C4orf50: variants seen among roughly 807,000 people sequenced by gnomAD.
C4orf50 encodes the protein uncharacterized protein C4orf50.
A neutral mutation model predicts 77.2 loss-of-function variants in C4orf50; 80 were observed. The observed-to-expected ratio is 1.04, with a 90% CI of 0.87 to 1.25. The LOEUF (loss-of-function observed/expected upper bound fraction) is 1.25, where lower values mean the gene tolerates loss of function less well. Among genes scored for constraint, C4orf50 ranks in the 50% most tolerant of loss-of-function variants. The probability of loss-of-function intolerance (pLI) is 0.00; values close to 1 mark genes in which losing one functional copy is unlikely to be tolerated. For missense variants in C4orf50, 1,257 were observed against 1,152.9 expected (o/e 1.09, Z -1.31); for synonymous variants, 532 against 465.3 (o/e 1.14, Z -1.84).
intron 7 of C4orf50, among the ~76,000 whole-genome samples, chr4:5,951,702 G>C (rs932237724): frequency 1.3e-5 from 2 of 152,142 alleles, no homozygotes; most frequent in African/African-American, 4.8e-5. Flanking sequence ...AAGCTGAAGA[G>C]AGTCTGAAGT....
chr4:5,984,129 A>G (rs187877464), intron 28 of C4orf50, among the ~76,000 whole-genome samples: 6 of 152,362 alleles, frequency 3.9e-5, no homozygotes, highest in Admixed American at 3.9e-4. Context: ...AAGCCCTACT[A>G]GGTCTGAGGG....
At position 5,958,305 on chromosome 4, in the gene C4orf50, G is replaced by T. The variant is rs544675128; in HGVS notation, c.*1070C>A. On this transcript the variant is annotated 3_prime_UTR_variant, in exon 34 of 34. Coordinates refer to ENST00000531445, the Ensembl canonical transcript of C4orf50. The surrounding 1 kb of genome is among the most constrained non-coding windows in gnomAD (Gnocchi z 5.4). ...TCTCTGTTCTCGGTGGAAGGAAGGG[G>T]TGCTGGATGGGAACGATGCAGTGAC... 2.0e-5 allele frequency: 3 copies of T among 151,488 alleles called. No homozygotes were observed. The highest frequency in any genetic ancestry group is 4.2e-4 in the South Asian group (2 of 4,728). 9.4% of individuals were successfully genotyped at this position (151,488 alleles called of 1,614,324 possible).
intron 28 of C4orf50, among the ~76,000 whole-genome samples, chr4:5,981,668 T>C (rs975832819): frequency 6.6e-6 from 1 of 152,106 alleles, no homozygotes; most frequent in African/African-American, 2.4e-5. Flanking sequence ...CCTCCCAAAG[T>C]GCTGAGGTTA....
In C4orf50 at chr4:5,990,195, AG is replaced by A; in HGVS notation, c.1850del (p.Pro617LeufsTer8). 8.0e-7 allele frequency: 1 copy of A among 1,245,902 alleles called. No individual in the cohort carries two copies. Among genetic ancestry groups the A allele is most frequent in the East Asian group, 3.1e-5 (1 of 32,660 alleles). The allele number at this position is 1,245,902 out of a possible 1,614,324, so 77.2% of individuals were successfully genotyped here. A position where few individuals can be genotyped will look rare whatever the true frequency, so the allele number is the denominator to read the frequency against. On this transcript the variant is annotated frameshift_variant, in exon 28 of 34. Coordinates refer to ENST00000531445, the Ensembl canonical transcript of C4orf50. LOFTEE classifies it high-confidence loss of function. ...GCATCAAAAACTCCTGCCAGGACCC[AG>A]GGCGGCAGGTGGCGGCCTTAGTCTC...
rs771453362 is a variant in C4orf50, at chr4:6,011,819, G to T, written c.426+11C>A. ...AGGAAACAGGGCCTGGAAAGGAGAA[G>T]GAAACGGTACCTGGCTGGCCAGCTC... is the stretch of plus-strand genomic sequence containing the variant. On this transcript the variant is annotated intron_variant, in intron 24 of 33. Transcript: ENST00000531445. The surrounding 1 kb of genome is among the most constrained non-coding windows in gnomAD (Gnocchi z 4.2). The T allele has an allele frequency of 2.5e-6, 1 of 399,148 alleles. No individual in the cohort carries two copies. The highest frequency in any genetic ancestry group is 6.3e-4 in the Middle Eastern group (1 of 1,590). 24.7% of individuals were successfully genotyped at this position (399,148 alleles called of 1,614,324 possible). A position where few individuals can be genotyped will look rare whatever the true frequency, so the allele number is the denominator to read the frequency against.
chr4:5,920,162 C>T (rs995897299), intron 7 of C4orf50, among the ~76,000 whole-genome samples: 2 of 152,202 alleles, frequency 1.3e-5, no homozygotes, highest in African/African-American at 4.8e-5. Flanking sequence ...GTCCTGGAAA[C>T]AATGCTGCAC....
intron 7 of C4orf50, among the ~76,000 whole-genome samples, chr4:5,912,309 T>A (rs1400360404): frequency 6.7e-6 from 1 of 150,100 alleles, no homozygotes; most frequent in Non-Finnish European, 1.5e-5. Context: ...GGGGAAGACA[T>A]ACATGTAAGA....
At chr4:6,004,664 TGA>T in intron 25 of C4orf50, among the ~76,000 whole-genome samples, 1 of 111,068 alleles carries the variant, frequency 9.0e-6, no homozygotes, top group South Asian at 3.7e-4. Flanking sequence ...GGTGATGATG[TGA>T]TGGTGATGTT....
intron 7 of C4orf50, among the ~76,000 whole-genome samples, chr4:5,928,353 CA>C (rs1717611057): frequency 7.4e-6 from 1 of 134,450 alleles, no homozygotes; most frequent in Non-Finnish European, 1.7e-5. Flanking sequence ...CTCATACACA[CA>C]CACACACATA....
At chr4:5,927,645 C>CTT (rs150348929) in intron 7 of C4orf50, among the ~76,000 whole-genome samples, 9,618 of 151,916 alleles carry the variant, frequency 0.063, 565 homozygotes, top group African/African-American at 0.16. Flanking sequence ...CTCTCTCTGT[C>CTT]TCTCTTTCTC....
At chr4:5,989,201 C>T (rs375307332) in exon 28 of C4orf50, 27 of 1,535,958 alleles carry the variant, frequency 1.8e-5, no homozygotes, top group African/African-American at 1.6e-4. Context: ...TCTTGGTCTC[C>T]GTGAAGTTTG....
chr4:5,915,092 T>A (rs1716975621), intron 7 of C4orf50, among the ~76,000 whole-genome samples: 1 of 152,182 alleles, frequency 6.6e-6, no homozygotes, highest in South Asian at 2.1e-4. Context: ...TGCTTCCAGT[T>A]CAACTCTCCT....
In C4orf50 at chr4:6,011,287, C is replaced by T. The variant is rs550164913; in HGVS notation, c.426+543G>A. ...TCTGGAACTTTCCGACTCACCCACT[C>T]CGTCCCCAGCACGGTGATATCCTCT... On this transcript the variant is annotated intron_variant, in intron 24 of 33. Coordinates refer to ENST00000531445, the Ensembl canonical transcript of C4orf50. This position sits in a 1 kb window ranked among gnomAD's most constrained non-coding sequence, Gnocchi z 4.2. Among the ~76,000 whole-genome samples, 1 of 152,292 alleles carries T rather than the reference C, an allele frequency of 6.6e-6. No homozygotes were observed. The highest frequency in any genetic ancestry group is 1.9e-4 in the East Asian group (1 of 5,174).
exon 34 of C4orf50, chr4:5,957,531 G>A (rs1420964903): frequency 6.6e-6 from 1 of 152,124 alleles, no homozygotes; most frequent in Non-Finnish European, 1.5e-5. Context: ...TCACCGCAGT[G>A]GTTTCCAATC....
At chr4:6,003,267 A>G (rs1721918086) in intron 25 of C4orf50, among the ~76,000 whole-genome samples, 1 of 152,236 alleles carries the variant, frequency 6.6e-6, no homozygotes, top group Admixed American at 6.5e-5. Context: ...ATGGTGACAA[A>G]TTACACTCAC....
chr4:5,983,107 T>C (rs566412611), intron 28 of C4orf50, among the ~76,000 whole-genome samples: 1 of 152,328 alleles, frequency 6.6e-6, no homozygotes, highest in Admixed American at 6.5e-5. Context: ...GCTCCACTTT[T>C]CACTGCAAAT....
chr4:5,991,346 G>A (rs1244536809), intron 27 of C4orf50, among the ~76,000 whole-genome samples: 2 of 152,236 alleles, frequency 1.3e-5, no homozygotes, highest in African/African-American at 4.8e-5. Context: ...GTCTTGGGCA[G>A]TGCAGATGCA....
At position 5,958,368 on chromosome 4, in the gene C4orf50, C is replaced by G. The variant is rs576717199; in HGVS notation, c.*1007G>C. The G allele has an allele frequency of 1.0e-4, 16 of 152,394 alleles. No homozygotes were observed. Among genetic ancestry groups the G allele is most frequent in the African/African-American group, 3.8e-4 (16 of 41,570 alleles). The allele number at this position is 152,394 out of a possible 1,614,324, so 9.4% of individuals were successfully genotyped here. The stretch of plus-strand genomic sequence containing the variant: ...GCTTGACAAGAGCATGCTTTGCCCA[C>G]TTCCCCTCCAGGGGCACATCCACAG... On this transcript the variant is annotated 3_prime_UTR_variant, in exon 34 of 34. Coordinates refer to ENST00000531445, the Ensembl canonical transcript of C4orf50. The surrounding 1 kb of genome is among the most constrained non-coding windows in gnomAD (Gnocchi z 5.4).
chr4:5,950,051 AGTT>A (rs1349719629), intron 7 of C4orf50, among the ~76,000 whole-genome samples: 4 of 152,120 alleles, frequency 2.6e-5, no homozygotes, highest in Non-Finnish European at 5.9e-5. Context: ...TTGGTGCAAA[AGTT>A]GGCGCAAAAA....
Sources: gnomAD v4.1 joint callset for allele counts (sites outside exome capture counted in the v4.1 genomes callset) on GRCh38, gnomAD v4.1.1 for gene constraint, Gnocchi (gnomAD v3.1) non-coding constraint, MANE v1.5 for transcripts, NCBI Gene and HGNC (gene_info 2026-07-23, HGNC 2026-07-21) for gene names.